Variants in UTP20 observed in about 807,000 individuals in gnomAD.
UTP20 encodes small subunit processome component 20 homolog.
Under a neutral mutation model 329.5 loss-of-function variants are expected in UTP20, and 164 were observed. The ratio of observed to expected loss-of-function variants is 0.50; its 90% CI spans 0.44 to 0.57. The LOEUF is 0.57. Ranked by LOEUF, UTP20 falls within the 20% of genes least tolerant of loss-of-function variation. The pLI, the probability that UTP20 is intolerant of heterozygous loss-of-function variation, is 0.00. For missense variants in UTP20, 3,055 were observed against 3,284.2 expected, an observed-to-expected ratio of 0.93 and a Z score of 1.71; for synonymous variants, 1,151 against 1,159.3, an observed-to-expected ratio of 0.99 and a Z score of 0.14.
intron 18 of UTP20, 100 bp downstream of exon 18, chr12:101,308,443 A>AATG (rs1872695312): frequency 1.5e-6 from 1 of 667,840 alleles, no homozygotes; most frequent in Admixed American, 5.1e-5. Context: ...TAATAATAAT[A>AATG]ATAATAATTT....
chr12:101,336,015 G>T (rs1479602230), intron 29 of UTP20, among the ~76,000 whole-genome samples: 2 of 152,088 alleles, frequency 1.3e-5, no homozygotes, highest in Non-Finnish European at 2.9e-5. Context: ...ATATTCATTG[G>T]GTCCTTATTG....
At chr12:101,376,337 C>T (rs1224631133) in intron 56 of UTP20, among the ~76,000 whole-genome samples, 2 of 152,154 alleles carry the variant, frequency 1.3e-5, no homozygotes, top group Non-Finnish European at 1.5e-5. Context: ...CACACAGTTG[C>T]GCATCACCTA....
chr12:101,311,028 C>T (rs915792204), intron 19 of UTP20, among the ~76,000 whole-genome samples: 2 of 152,208 alleles, frequency 1.3e-5, no homozygotes, highest in Non-Finnish European at 2.9e-5. Flanking sequence ...GGCATTCTCC[C>T]TAGTGGCTGG....
intron 24 of UTP20, 61 bp downstream of exon 24, chr12:101,320,998 A>G: frequency 2.1e-6 from 3 of 1,437,650 alleles, no homozygotes; most frequent in Non-Finnish European, 2.8e-6. Flanking sequence ...ATTTCTGCCT[A>G]AGAGCCTCTT....
chr12:101,292,475 C>T (rs556445028), intron 10 of UTP20, among the ~76,000 whole-genome samples: 6 of 152,090 alleles, frequency 3.9e-5, no homozygotes, highest in East Asian at 3.9e-4. Context: ...AGCCTGGAAC[C>T]GAGTAGTTAT....
chr12:101,304,931 C>T (rs1176959757), intron 15 of UTP20, among the ~76,000 whole-genome samples: 1 of 152,222 alleles, frequency 6.6e-6, no homozygotes, highest in East Asian at 1.9e-4. Context: ...TTCCTGCAGA[C>T]AAGCACACCT....
intron 10 of UTP20, 78 bp from the exon 11 acceptor site, chr12:101,293,090 C>T: frequency 1.4e-6 from 2 of 1,446,390 alleles, no homozygotes; most frequent in South Asian, 1.2e-5. Flanking sequence ...CTGCCATTCC[C>T]TTCTATAGCT....
intron 40 of UTP20, among the ~76,000 whole-genome samples, chr12:101,354,578 A>C (rs1869651763): frequency 6.6e-6 from 1 of 152,020 alleles, no homozygotes; most frequent in African/African-American, 2.4e-5. Context: ...TTCCCCAATT[A>C]CCCTGTACCT....
At chr12:101,287,686 C>G (rs956234518) in intron 5 of UTP20, among the ~76,000 whole-genome samples, 1 of 152,198 alleles carries the variant, frequency 6.6e-6, no homozygotes, top group African/African-American at 2.4e-5. Flanking sequence ...TTTGGAATAT[C>G]AGAGGCATCA....
intron 14 of UTP20, among the ~76,000 whole-genome samples, chr12:101,300,950 G>A (rs1872505779): frequency 6.6e-6 from 1 of 152,074 alleles, no homozygotes; most frequent in African/African-American, 2.4e-5. Context: ...AGCAGGGACT[G>A]GTAAAATCTT....
At chr12:101,317,400 C>A in intron 21 of UTP20, 78 bp from the exon 22 acceptor site, 1 of 1,471,652 alleles carries the variant, frequency 6.8e-7, no homozygotes, top group Non-Finnish European at 9.3e-7. Flanking sequence ...CTGTGGACAT[C>A]TCTCATGAAC....
chr12:101,290,109 A>C, intron 6 of UTP20, 28 bp from the exon 7 acceptor site: 1 of 1,469,794 alleles, frequency 6.8e-7, no homozygotes, highest in Non-Finnish European at 9.3e-7. Context: ...TTGTGAATAT[A>C]ATTTTCCATT....
At chr12:101,371,213 C>T (rs781061278) in intron 51 of UTP20, 45 bp downstream of exon 51, 4 of 1,408,340 alleles carry the variant, frequency 2.8e-6, no homozygotes, top group African/African-American at 2.9e-5. Flanking sequence ...TGGGCCCTGC[C>T]GCATCTTTGT....
In UTP20 at chr12:101,333,292, G is replaced by A. The variant is rs1868819578; in HGVS notation, c.3418-9G>A. On this transcript the variant is annotated splice_polypyrimidine_tract_variant and intron_variant, in intron 27 of 61. Transcript: ENST00000261637. ...TGTATTTTTTGAACAGAAGATCTTTGTTTTACAGATACAGCTGAGATTTAT... is the reference window on the plus strand; with the variant it reads ...TGTATTTTTTGAACAGAAGATCTTTATTTTACAGATACAGCTGAGATTTAT... 1 of 1,611,520 alleles carries A rather than the reference G, an allele frequency of 6.2e-7. No homozygotes were observed.
rs141955314 is a variant in UTP20 at position 101,366,570 on chromosome 12, C to G, written c.6138C>G (p.Ala2046=). 1 of 1,613,492 alleles carries G rather than the reference C, an allele frequency of 6.2e-7. No homozygotes were observed. The highest frequency in any genetic ancestry group is 2.2e-5 in the East Asian group (1 of 44,870). The change falls in exon 47 of 62, where the codon GCC becomes GCG. Residue 2046 remains alanine (A), a synonymous_variant. Transcript: ENST00000261637. ...LLTEKEKNPV[A]PAPDPRLPPQ... is the part of the protein sequence containing the mutation. ...ACGTGATTGACAGAAATCCAGTAGC[C>G]CCAGCACCAGATCCACGTCTACCAC...
intron 5 of UTP20, among the ~76,000 whole-genome samples, chr12:101,288,288 T>C (rs550611460): frequency 6.6e-6 from 1 of 152,240 alleles, no homozygotes; most frequent in Non-Finnish European, 1.5e-5. Flanking sequence ...TGGAGAGATA[T>C]ATTCCATACC....
At chr12:101,308,451 T>C in intron 18 of UTP20, 108 bp downstream of exon 18, 2 of 653,256 alleles carry the variant, frequency 3.1e-6, no homozygotes, top group Non-Finnish European at 3.9e-6. Context: ...ATAATAATAA[T>C]TTAAAAATAA....
Position 101,310,595 on chromosome 12 carries a change from A to AAAAAAAAAAAAAAAAG in UTP20, c.2231+759_2231+760insAAAAAAAAAAAAGAAA, listed in dbSNP as rs1330692306. 6.5e-4 allele frequency among the ~76,000 whole-genome samples: 79 copies of AAAAAAAAAAAAAAAAG among 121,728 alleles called. 7 individuals carry two copies. Among genetic ancestry groups the AAAAAAAAAAAAAAAAG allele is most frequent in the Non-Finnish European group, 1.2e-3 (59 of 49,770 alleles). The allele number at this position is 121,728 out of a possible 152,430, so 79.9% of individuals were successfully genotyped here. A position where few individuals can be genotyped will look rare whatever the true frequency, so the allele number is the denominator to read the frequency against. On this transcript the variant is annotated intron_variant, in intron 19 of 61. Transcript: ENST00000261637. ...TGTCTCCCAAAAAAAAAAAAAAAAAAAAATACATGTTATGGCTCATGTGTA... is the reference window on the plus strand; with the variant it reads ...TGTCTCCCAAAAAAAAAAAAAAAAAAAAAAAAAAAAAAAAAGAAATACATGTTATGGCTCATGTGTA...
Position 101,385,674 on chromosome 12 carries a change from A to G in UTP20, c.8148A>G (p.Val2716=), listed in dbSNP as rs547340859. ...GCTTCTCATTAGCCTTTGCCTCTGT[A>G]CAGAAACAGGCTAATGAGAAAAGGG... ...LESFSLAFAS[V]QKQANEKRAL... Residue 2716 remains valine (V), a synonymous_variant, in exon 61 of 62, where the codon GTA becomes GTG. Transcript: ENST00000261637. The G allele has an allele frequency of 6.2e-7, 1 of 1,613,376 alleles. No individual in the cohort carries two copies. The highest frequency in any genetic ancestry group is 1.7e-5 in the Admixed American group (1 of 59,772).
Sources: allele counts gnomAD v4.1 joint callset (sites outside exome capture counted in the v4.1 genomes callset), GRCh38; gene constraint gnomAD v4.1.1; transcripts MANE v1.5; gene names NCBI Gene and HGNC (gene_info 2026-07-23, HGNC 2026-07-21).